HSH2D: variants seen among roughly 807,000 people sequenced by gnomAD.
The protein encoded by HSH2D is hematopoietic SH2 domain containing, also known as hematopoietic SH2 domain-containing protein.
A neutral mutation model predicts 21.5 loss-of-function variants in HSH2D; 16 were observed. The observed-to-expected ratio is 0.74, with a 90% CI of 0.50 to 1.13. HSH2D has a LOEUF of 1.13. HSH2D is among the 50% of genes most tolerant of loss of function. The pLI is 0.00. For synonymous variants in HSH2D, 172 were observed against 184.7 expected, an observed-to-expected ratio of 0.93 and a Z score of 0.56; for missense variants, 418 against 441.4, an observed-to-expected ratio of 0.95 and a Z score of 0.47.
At chr19:16,148,089 G>A (rs953889424) in intron 1 of HSH2D, among the ~76,000 whole-genome samples, 2 of 152,180 alleles carry the variant, frequency 1.3e-5, no homozygotes, top group Non-Finnish European at 2.9e-5. Flanking sequence ...CTCCTGAGTA[G>A]CTGGGACTAC....
At position 16,157,600 on chromosome 19, in the gene HSH2D, C is replaced by T. The variant is rs1355920533; in HGVS notation, c.865C>T (p.Pro289Ser). 3.7e-6 allele frequency: 6 copies of T among 1,613,744 alleles called. No homozygotes were observed. The highest frequency in any genetic ancestry group is 4.2e-6 in the Non-Finnish European group (5 of 1,179,838). The change falls in exon 6 of 6, where the codon CCC becomes TCC. Residue 289 changes from proline to serine, a missense_variant. By Grantham distance (74) the Pro-to-Ser change is moderately conservative. Coordinates refer to ENST00000613986, the MANE Select transcript of HSH2D (RefSeq NM_001382417.1). This position sits in a 1 kb window ranked among gnomAD's most constrained non-coding sequence, Gnocchi z 4.4. ...CCAGGCACCAAAAGACAGAAAGGTCCCCACCAGGAAGGCCGAGAGGTCGGT... is the reference window on the plus strand; with the variant it reads ...CCAGGCACCAAAAGACAGAAAGGTCTCCACCAGGAAGGCCGAGAGGTCGGT... ...QPQAPKDRKV[P>S]TRKAERSVSC...
chr19:16,147,908 G>A (rs919163557), intron 1 of HSH2D, among the ~76,000 whole-genome samples: 13 of 152,190 alleles, frequency 8.5e-5, no homozygotes, highest in Admixed American at 3.3e-4. Flanking sequence ...GCCTCCCAAA[G>A]TGCTAGGATT....
intron 5 of HSH2D, among the ~76,000 whole-genome samples, chr19:16,156,082 A>T (rs1325080035): frequency 6.6e-6 from 1 of 152,028 alleles, no homozygotes; most frequent in Non-Finnish European, 1.5e-5. Flanking sequence ...TGGTCTGCGT[A>T]GTGGCTCACA....
chr19:16,134,626 G>A lies in HSH2D; in HGVS notation c.-324+391G>A, dbSNP rs193129453. Among the ~76,000 whole-genome samples the A allele has an allele frequency of 1.1e-3, 164 of 152,106 alleles. No individual in the cohort carries two copies. In the Middle Eastern group the frequency reaches 0.014, roughly 13 times the overall value. Reference sequence around the variant, plus strand: ...CCAATTTGAATGTCTCATCGGCACCGTAAGCATAACACAGCCCTGACCCTG... The same window carrying A: ...CCAATTTGAATGTCTCATCGGCACCATAAGCATAACACAGCCCTGACCCTG... On this transcript the variant is annotated intron_variant, in intron 1 of 7. Transcript: ENST00000616645.
upstream of HSH2D, among the ~76,000 whole-genome samples, chr19:16,140,166 G>A (rs748417511): frequency 6.6e-6 from 1 of 152,088 alleles, no homozygotes; most frequent in Non-Finnish European, 1.5e-5. Context: ...GGCCAGGCCC[G>A]GTGGCTCATG....
At chr19:16,143,521 T>C (rs2091021755), upstream of HSH2D, 1 of 276,608 alleles carries the variant, frequency 3.6e-6, no homozygotes, top group Admixed American at 4.8e-5. Flanking sequence ...AGGTGCTCAA[T>C]AACAACTTGC....
chr19:16,148,984 T>C lies in HSH2D; in HGVS notation c.125+109T>C, dbSNP rs2091110979. 4 of 1,235,068 alleles carry C rather than the reference T, an allele frequency of 3.2e-6. No individual in the cohort carries two copies. In the African/African-American group the frequency reaches 6.1e-5, roughly 19 times the overall value. The allele number at this position is 1,235,068 out of a possible 1,614,324, so 76.5% of individuals were successfully genotyped here. A position where few individuals can be genotyped will look rare whatever the true frequency, so the allele number is the denominator to read the frequency against. On this transcript the variant is annotated intron_variant, in intron 2 of 5. Transcript: ENST00000613986. The stretch of plus-strand genomic sequence containing the variant: ...ATTCTGGACTTGGCTCAGCTCAGTG[T>C]GGCAAGAGGCTAAAATGAGCTCCAG...
At chr19:16,152,944 AGT>A in intron 3 of HSH2D, 97 bp from the exon 4 acceptor site, 1 of 1,376,620 alleles carries the variant, frequency 7.3e-7, no homozygotes, top group South Asian at 1.2e-5. Context: ...AACCTGGGGT[AGT>A]CTGGCTGTAG....
At chr19:16,152,974 C>T in intron 3 of HSH2D, 69 bp from the exon 4 acceptor site, 1 of 1,554,136 alleles carries the variant, frequency 6.4e-7, no homozygotes, top group Non-Finnish European at 8.7e-7. Context: ...GCTGCCGGCC[C>T]AAGGGCTGGG....
chr19:16,145,006 G>A (rs897679965), intron 1 of HSH2D, among the ~76,000 whole-genome samples: 1 of 136,650 alleles, frequency 7.3e-6, no homozygotes, highest in Non-Finnish European at 1.6e-5. Context: ...CTCTTTTTTT[G>A]TTGTTGGTGG....
At chr19:16,139,004 T>A (rs10406900), upstream of HSH2D, among the ~76,000 whole-genome samples, 380 of 152,176 alleles carry the variant, frequency 2.5e-3, no homozygotes, top group African/African-American at 8.7e-3. Flanking sequence ...ATTACAGGCA[T>A]GAGCCACTAC....
At position 16,158,231 on chromosome 19, in the gene HSH2D, T is replaced by C. The variant is rs1381625199; in HGVS notation, c.*437T>C. The C allele has an allele frequency of 6.2e-6, 1 of 160,116 alleles. No homozygotes were observed. The highest frequency in any genetic ancestry group is 1.4e-5 in the Non-Finnish European group (1 of 73,324). 9.9% of individuals were successfully genotyped at this position (160,116 alleles called of 1,614,324 possible). A position where few individuals can be genotyped will look rare whatever the true frequency, so the allele number is the denominator to read the frequency against. On this transcript the variant is annotated 3_prime_UTR_variant, in exon 6 of 6. Coordinates refer to ENST00000613986, the MANE Select transcript of HSH2D (RefSeq NM_001382417.1). ...TTTCCCATATCATCTGTTTGTTCTG[T>C]TGTCTAAAAGCACACTGCAAGCCGG...
chr19:16,146,481 G>A (rs953151834), intron 1 of HSH2D, among the ~76,000 whole-genome samples: 2 of 152,076 alleles, frequency 1.3e-5, no homozygotes, highest in Non-Finnish European at 2.9e-5. Context: ...TTCAAAGCCA[G>A]ACTGGACAAC....
intron 2 of HSH2D, among the ~76,000 whole-genome samples, chr19:16,152,150 G>T (rs1180784888): frequency 1.4e-5 from 2 of 147,942 alleles, no homozygotes; most frequent in African/African-American, 5.0e-5. Flanking sequence ...GGGCACGGTG[G>T]CTCACACCTA....
chr19:16,153,819 A>C (rs867608350), intron 4 of HSH2D, among the ~76,000 whole-genome samples: 6 of 140,322 alleles, frequency 4.3e-5, no homozygotes, highest in Non-Finnish European at 9.2e-5. Flanking sequence ...GAGGGGGGTT[A>C]TCTCTCCTTA....
chr19:16,153,369 G>A (rs1294851877), intron 4 of HSH2D, among the ~76,000 whole-genome samples, 161 bp downstream of exon 4: 1 of 152,186 alleles, frequency 6.6e-6, no homozygotes, highest in African/African-American at 2.4e-5. Flanking sequence ...CCCCCACAGC[G>A]GTCTCCGTTG....
rs915125992 is a variant in HSH2D at position 16,157,028 on chromosome 19, G to A, written c.475-182G>A. On this transcript the variant is annotated intron_variant, in intron 5 of 5. Transcript: ENST00000613986. The surrounding 1 kb of genome is among the most constrained non-coding windows in gnomAD (Gnocchi z 4.4). ...GAAGAACAAGTTTGCCAACCCCTGG[G>A]GGAGACAGTGAAGCCATTTACTGAG... Among the ~76,000 whole-genome samples, 8 of 151,978 alleles carry A rather than the reference G, an allele frequency of 5.3e-5. No homozygotes were observed. The highest frequency in any genetic ancestry group is 1.0e-4 in the Non-Finnish European group (7 of 67,982).
At chr19:16,151,467 A>G in intron 2 of HSH2D, 1 of 451,232 alleles carries the variant, frequency 2.2e-6, no homozygotes, top group Non-Finnish European at 4.5e-6. Flanking sequence ...AGTGGAGTTT[A>G]CTCTCCCCTT....
intron 2 of HSH2D, among the ~76,000 whole-genome samples, chr19:16,152,108 C>A (rs1189467228): frequency 0.026 from 2,335 of 88,516 alleles, no homozygotes; most frequent in African/African-American, 0.041. Flanking sequence ...TCTGTCTCAA[C>A]AAAAAAAAAA....
Sources: gnomAD v4.1 joint callset for allele counts (sites outside exome capture counted in the v4.1 genomes callset) on GRCh38, gnomAD v4.1.1 for gene constraint, Gnocchi (gnomAD v3.1) non-coding constraint, MANE v1.5 for transcripts, NCBI Gene and HGNC (gene_info 2026-07-23, HGNC 2026-07-21) for gene names.